COL4A3: variants seen among roughly 807,000 people sequenced by gnomAD.
COL4A3 encodes the protein collagen type IV alpha 3 chain, also known as collagen alpha-3(IV) chain.
COL4A3 carries 135 observed loss-of-function variants against 217.4 expected under a neutral mutation model. That is an observed-to-expected ratio of 0.62 (90% CI 0.54 to 0.72). The LOEUF is 0.72. Ranked by LOEUF, COL4A3 falls within the 30% of genes least tolerant of loss-of-function variation. COL4A3 has a pLI of 0.00. For missense variants in COL4A3, 1,868 were observed against 2,119.9 expected, an observed-to-expected ratio of 0.88 and a Z score of 2.33; for synonymous variants, 690 against 736.3, an observed-to-expected ratio of 0.94 and a Z score of 1.02.
At chr2:227,229,988 T>C (rs1205235215) in intron 1 of COL4A3, among the ~76,000 whole-genome samples, 1 of 151,142 alleles carries the variant, frequency 6.6e-6, no homozygotes, top group Admixed American at 6.6e-5. Flanking sequence ...GAGGTGGAGC[T>C]TGCAGTGAGC....
chr2:227,238,634 C>T (rs74656523), intron 2 of COL4A3, among the ~76,000 whole-genome samples: 1 of 152,252 alleles, frequency 6.6e-6, no homozygotes, highest in African/African-American at 2.4e-5. Flanking sequence ...GTTTACCAAA[C>T]CCTTTCCTCA....
rs74718246 is a variant in COL4A3, at chr2:227,280,704, T to C, written c.2374+114T>C. 1.8e-3 allele frequency: 2,381 copies of C among 1,294,450 alleles called. 40 individuals carry two copies. The African/African-American group carries it at 0.031, about 17-fold the overall frequency. 80.2% of individuals were successfully genotyped at this position (1,294,450 alleles called of 1,614,324 possible). A position where few individuals can be genotyped will look rare whatever the true frequency, so the allele number is the denominator to read the frequency against. On this transcript the variant is annotated intron_variant, in intron 30 of 51. Coordinates refer to ENST00000396578, the MANE Select transcript of COL4A3 (RefSeq NM_000091.5). ...ATTCTCCCATCCAATGTTCCTGCCC[T>C]ACCTTTCTTCCTTCTTTCCTTCTTC...
rs181064339 is a variant in COL4A3 at position 227,240,960 on chromosome 2, T to C, written c.234+728T>C. 2.7e-4 allele frequency among the ~76,000 whole-genome samples: 41 copies of C among 152,326 alleles called. No individual in the cohort carries two copies. In the East Asian group the frequency reaches 6.2e-3, roughly 23 times the overall value. ...TGAACCCCTCTGCTTAGTTTCAAATTGTGTGGATCGCTCTCCTCTCCTTGA... is the reference window on the plus strand; with the variant it reads ...TGAACCCCTCTGCTTAGTTTCAAATCGTGTGGATCGCTCTCCTCTCCTTGA... On this transcript the variant is annotated intron_variant, in intron 3 of 51. Transcript: ENST00000396578.
At position 227,253,519 on chromosome 2, in the gene COL4A3, G is replaced by A; in HGVS notation, c.688-42G>A. 6.6e-7 allele frequency: 1 copy of A among 1,525,160 alleles called. No individual in the cohort carries two copies. The highest frequency in any genetic ancestry group is 9.1e-7 in the Non-Finnish European group (1 of 1,099,066). 94.5% of individuals were successfully genotyped at this position (1,525,160 alleles called of 1,614,324 possible). A position where few individuals can be genotyped will look rare whatever the true frequency, so the allele number is the denominator to read the frequency against. On this transcript the variant is annotated intron_variant, in intron 12 of 51. Coordinates refer to ENST00000396578, the MANE Select transcript of COL4A3 (RefSeq NM_000091.5). This position sits in a 1 kb window ranked among gnomAD's most constrained non-coding sequence, Gnocchi z 4.4. The stretch of plus-strand genomic sequence containing the variant: ...AACGTAGTAACATTGAAATGTTGAT[G>A]CTGTTGTTTATTTTCTCACTCCTGA...
intron 11 of COL4A3, among the ~76,000 whole-genome samples, chr2:227,252,669 A>G (rs1451260351): frequency 1.3e-5 from 2 of 151,834 alleles, no homozygotes; most frequent in Non-Finnish European, 2.9e-5. Flanking sequence ...GGTTAAGTGA[A>G]TTTTCCAATA....
chr2:227,254,178 G>A lies in COL4A3; in HGVS notation c.828+4G>A. The A allele has an allele frequency of 6.2e-7, 1 of 1,613,240 alleles. No homozygotes were observed. Among genetic ancestry groups the A allele is most frequent in the South Asian group, 1.1e-5 (1 of 91,058 alleles). On this transcript the variant is annotated splice_donor_region_variant and intron_variant, in intron 14 of 51. Coordinates refer to ENST00000396578, the MANE Select transcript of COL4A3 (RefSeq NM_000091.5). The stretch of plus-strand genomic sequence containing the variant: ...GCCTGGACCTCCTGGACCCTCAGTA[G>A]GTTATTTAAAGTTATATTGTCCCCA...
intron 46 of COL4A3, among the ~76,000 whole-genome samples, chr2:227,304,565 T>C (rs920809323): frequency 2.0e-5 from 3 of 152,218 alleles, no homozygotes; most frequent in African/African-American, 7.2e-5. Context: ...TTCAAAATAC[T>C]GGTGTTTGGA....
intron 23 of COL4A3, 73 bp downstream of exon 23, chr2:227,267,161 T>C: frequency 9.9e-7 from 1 of 1,008,876 alleles, no homozygotes; most frequent in Non-Finnish European, 1.6e-6. Flanking sequence ...ATAAAGGCAT[T>C]GGATTGGTGG....
In COL4A3 at chr2:227,202,763, A is replaced by ATATATTATATATATATATG. The variant is rs1553738334; in HGVS notation, c.88-35200_88-35199insTATATATATATATGTATAT. Among the ~76,000 whole-genome samples, 26 of 109,632 alleles carry ATATATTATATATATATATG rather than the reference A, an allele frequency of 2.4e-4. 4 individuals carry two copies. Among genetic ancestry groups the ATATATTATATATATATATG allele is most frequent in the Non-Finnish European group, 3.5e-4 (18 of 51,502 alleles). 71.9% of individuals were successfully genotyped at this position (109,632 alleles called of 152,430 possible). A position where few individuals can be genotyped will look rare whatever the true frequency, so the allele number is the denominator to read the frequency against. On this transcript the variant is annotated intron_variant, in intron 1 of 51. Coordinates refer to ENST00000396578, the MANE Select transcript of COL4A3 (RefSeq NM_000091.5). ...AAAAAAAAAATATATATATATATAT[A>ATATATTATATATATATATG]TATATATATCACATATATATACACA...
intron 2 of COL4A3, 39 bp downstream of exon 2, chr2:227,238,063 A>T (rs568885038): frequency 4.5e-6 from 6 of 1,333,962 alleles, no homozygotes; most frequent in Non-Finnish European, 5.4e-6. Context: ...TACACTGTAA[A>T]GCTCTAGAAG....
chr2:227,297,860 G>A lies in COL4A3; in HGVS notation c.3751+1G>A, dbSNP rs781566652. 1 of 1,555,296 alleles carries A rather than the reference G, an allele frequency of 6.4e-7. No homozygotes were observed. Among genetic ancestry groups the A allele is most frequent in the South Asian group, 1.2e-5 (1 of 84,322 alleles). On this transcript the variant is annotated splice_donor_variant, in intron 42 of 51. Coordinates refer to ENST00000396578, the MANE Select transcript of COL4A3 (RefSeq NM_000091.5). LOFTEE classifies it high-confidence loss of function. ...CCACCAGGCTCAAGAGGAAGCCCAG[G>A]TAAAGGGTTTACTTTTAAACAGCAT... is the stretch of plus-strand genomic sequence containing the variant.
chr2:227,261,145 T>C (rs1166707129), intron 20 of COL4A3, 28 bp downstream of exon 20: 2 of 1,589,112 alleles, frequency 1.3e-6, no homozygotes, highest in Non-Finnish European at 1.7e-6. Context: ...GGGGTACAAA[T>C]AGAAATGCTA....
intron 43 of COL4A3, chr2:227,302,114 A>G (rs2106263305): frequency 6.6e-6 from 1 of 152,348 alleles, no homozygotes; most frequent in Non-Finnish European, 1.5e-5. Context: ...GCTTTGCTTG[A>G]GCATCTCCTG....
chr2:227,298,870 C>T, intron 43 of COL4A3, 58 bp downstream of exon 43: 2 of 1,451,730 alleles, frequency 1.4e-6, no homozygotes, highest in Non-Finnish European at 1.9e-6. Context: ...TATAATTATT[C>T]TTATATTGTA....
At chr2:227,275,750 CA>C (rs1411199741) in intron 26 of COL4A3, among the ~76,000 whole-genome samples, 1 of 152,140 alleles carries the variant, frequency 6.6e-6, no homozygotes, top group African/African-American at 2.4e-5. Flanking sequence ...TCCAGGTTTA[CA>C]AACCAATGTC....
chr2:227,175,061 C>CT (rs1484876366), intron 1 of COL4A3, among the ~76,000 whole-genome samples: 1 of 152,172 alleles, frequency 6.6e-6, no homozygotes, highest in Non-Finnish European at 1.5e-5. Context: ...GGGAAGCAGA[C>CT]TGAGGCTGGA....
chr2:227,289,169 T>C lies in COL4A3; in HGVS notation c.2901T>C (p.Gly967=). Reference sequence around the variant, plus strand: ...CTTCAGGATTCGCAGGAAATCCAGGTGAGAAAGGAAACAGAGGCGTTCCAG... The same window carrying C: ...CTTCAGGATTCGCAGGAAATCCAGGCGAGAAAGGAAACAGAGGCGTTCCAG... ...PGLKGFAGNP[G]EKGNRGVPGM... is the part of the protein sequence containing the mutation. The change falls in exon 35 of 52, where the codon GGT becomes GGC. Residue 967 remains glycine (G), a synonymous_variant. Coordinates refer to ENST00000396578, the MANE Select transcript of COL4A3 (RefSeq NM_000091.5). 1.9e-6 allele frequency: 3 copies of C among 1,613,498 alleles called. No homozygotes were observed. The highest frequency in any genetic ancestry group is 2.5e-6 in the Non-Finnish European group (3 of 1,179,784).
In COL4A3 at chr2:227,274,945, T is replaced by G. The variant is rs187314099; in HGVS notation, c.1928-1440T>G. 1.2e-4 allele frequency among the ~76,000 whole-genome samples: 18 copies of G among 152,358 alleles called. 1 individual carries two copies. Among genetic ancestry groups the G allele is most frequent in the Admixed American group, 1.0e-3 (16 of 15,308 alleles). ...ATTGAAAAAAATGTTTAATGATATT[T>G]TGTGATGCATGAAAATTACATGAAA... On this transcript the variant is annotated intron_variant, in intron 26 of 51. Coordinates refer to ENST00000396578, the MANE Select transcript of COL4A3 (RefSeq NM_000091.5).
intron 3 of COL4A3, among the ~76,000 whole-genome samples, chr2:227,241,407 C>A (rs186404497): frequency 1.3e-5 from 2 of 152,306 alleles, no homozygotes; most frequent in East Asian, 3.9e-4. Context: ...GACACAGTGG[C>A]TCATGCCTGT....
Sources: allele counts gnomAD v4.1 joint callset (sites outside exome capture counted in the v4.1 genomes callset), GRCh38; gene constraint gnomAD v4.1.1; non-coding constraint Gnocchi (gnomAD v3.1); transcripts MANE v1.5; gene names NCBI Gene and HGNC (gene_info 2026-07-23, HGNC 2026-07-21).